The following ZNF382 variants were observed in gnomAD, a reference collection of about 807,000 sequenced individuals.
ZNF382 encodes zinc finger protein 382.
Under a neutral mutation model 38.8 loss-of-function variants are expected in ZNF382, and 20 were observed. That is an observed-to-expected ratio of 0.51 (90% confidence interval 0.36 to 0.75). ZNF382 has a LOEUF of 0.75. Among genes scored for constraint, ZNF382 ranks in the 30% least tolerant of loss-of-function variants. The pLI is 0.00. For missense variants in ZNF382, 546 were observed against 654.1 expected, an observed-to-expected ratio of 0.83 and a Z score of 1.80; for synonymous variants, 202 against 223.1, an observed-to-expected ratio of 0.91 and a Z score of 0.84.
At position 36,626,671 on chromosome 19, in the gene ZNF382, TC is replaced by T; in HGVS notation, c.776del (p.Pro259GlnfsTer89). The T allele has an allele frequency of 6.2e-7, 1 of 1,613,998 alleles. No homozygotes were observed. On this transcript the variant is annotated frameshift_variant, in exon 5 of 5. Coordinates refer to ENST00000292928, the MANE Select transcript of ZNF382 (RefSeq NM_032825.5). LOFTEE classifies it high-confidence loss of function. Reference protein sequence around the residue: ...FIEKSSLSVHPSNLMEKKPSA... With the variant: ...FIEKSSLSVHXSNLMEKKPSA... ...TAGAAAAGTCAAGCCTCAGTGTCCA[TC>T]CAAGTAATCTTATGGAAAAGAAGCC...
intron 4 of ZNF382, among the ~76,000 whole-genome samples, chr19:36,624,705 A>G (rs1401036587): frequency 1.3e-5 from 2 of 152,156 alleles, no homozygotes; most frequent in African/African-American, 4.8e-5. Flanking sequence ...GAATGAAGTT[A>G]GAATTGTTGG....
chr19:36,624,417 A>T (rs2037193867), intron 4 of ZNF382, among the ~76,000 whole-genome samples: 1 of 152,220 alleles, frequency 6.6e-6, no homozygotes, highest in African/African-American at 2.4e-5. Flanking sequence ...TGTTCCCAGT[A>T]TGGGGCTATT....
At chr19:36,621,653 G>T (rs2145329694) in intron 4 of ZNF382, among the ~76,000 whole-genome samples, 1 of 151,984 alleles carries the variant, frequency 6.6e-6, no homozygotes, top group Middle Eastern at 3.4e-3. Flanking sequence ...TATAACAACT[G>T]TTGGCATAGC....
Position 36,626,944 on chromosome 19 carries a change from G to C in ZNF382, c.1047G>C (p.Gly349=). The C allele has an allele frequency of 6.2e-7, 1 of 1,614,190 alleles. No individual in the cohort carries two copies. Among genetic ancestry groups the C allele is most frequent in the Non-Finnish European group, 8.5e-7 (1 of 1,180,022 alleles). ...LTLHEKTHIE[G]KPFICIDCGK... is the part of the protein sequence containing the mutation. The stretch of plus-strand genomic sequence containing the variant: ...TTCATGAGAAAACACATATAGAGGG[G>C]AAACCCTTTATTTGTATCGATTGTG... The change falls in exon 5 of 5, where the codon GGG becomes GGC. Residue 349 remains glycine, a synonymous_variant. Transcript: ENST00000292928.
Position 36,627,693 on chromosome 19 carries a change from C to T in ZNF382, c.*143C>T. Reference sequence around the variant, plus strand: ...TGCCAGCCTGTAAAACACACACACACACACACACACACACACAAATATTAT... The same window carrying T: ...TGCCAGCCTGTAAAACACACACACATACACACACACACACACAAATATTAT... On this transcript the variant is annotated 3_prime_UTR_variant, in exon 5 of 5. Transcript: ENST00000292928. 1.8e-6 allele frequency: 1 copy of T among 561,546 alleles called. No individual in the cohort carries two copies. Among genetic ancestry groups the T allele is most frequent in the East Asian group, 2.9e-5 (1 of 34,484 alleles). The allele number at this position is 561,546 out of a possible 1,614,324, so 34.8% of individuals were successfully genotyped here.
chr19:36,632,523 C>T lies in ZNF382; in HGVS notation c.*4973C>T, dbSNP rs1345245909. 1 of 152,200 alleles carries T rather than the reference C, an allele frequency of 6.6e-6. No individual in the cohort carries two copies. The highest frequency in any genetic ancestry group is 1.5e-5 in the Non-Finnish European group (1 of 68,048). The allele number at this position is 152,200 out of a possible 1,614,324, so 9.4% of individuals were successfully genotyped here. On this transcript the variant is annotated 3_prime_UTR_variant, in exon 5 of 5. Coordinates refer to ENST00000292928, the MANE Select transcript of ZNF382 (RefSeq NM_032825.5). ...ATGGGTATTTATGCTTCTCTGTTCA[C>T]TGGTTACATAGTCAAGCCAGGCTAT...
intron 4 of ZNF382, among the ~76,000 whole-genome samples, chr19:36,614,978 CCTT>C (rs2145320482): frequency 8.0e-6 from 1 of 125,600 alleles, no homozygotes; most frequent in Admixed American, 9.0e-5. Flanking sequence ...CCTTTCCTTT[CCTT>C]CTTTCTTTTT....
rs55911545 is a variant in ZNF382 at position 36,611,698 on chromosome 19, GT to G, written c.232+959del. On this transcript the variant is annotated intron_variant, in intron 4 of 4. Coordinates refer to ENST00000292928, the MANE Select transcript of ZNF382 (RefSeq NM_032825.5). Reference sequence around the variant, plus strand: ...TTGCTGAATAATGTGGTAATTCTGTGTTTATATTTAAGGAGTCACCATACTG... The same window carrying G: ...TTGCTGAATAATGTGGTAATTCTGTGTTATATTTAAGGAGTCACCATACTG... 9.2e-3 allele frequency among the ~76,000 whole-genome samples: 1,396 copies of G among 152,252 alleles called. 13 individuals are homozygous for G. Among genetic ancestry groups the G allele is most frequent in the Non-Finnish European group, 0.015 (1,020 of 68,006 alleles).
rs1478709227 is a variant in ZNF382 at position 36,627,729 on chromosome 19, A to G, written c.*179A>G. 6.0e-6 allele frequency: 3 copies of G among 502,584 alleles called. No homozygotes were observed. The highest frequency in any genetic ancestry group is 5.8e-5 in the African/African-American group (3 of 51,812). The allele number at this position is 502,584 out of a possible 1,614,324, so 31.1% of individuals were successfully genotyped here. A position where few individuals can be genotyped will look rare whatever the true frequency, so the allele number is the denominator to read the frequency against. ...ACACACAAATATTATTAGACAAATT[A>G]GATGACAAAAATCATTAAGAAGTCC... On this transcript the variant is annotated 3_prime_UTR_variant, in exon 5 of 5. Transcript: ENST00000292928.
intron 4 of ZNF382, among the ~76,000 whole-genome samples, chr19:36,614,926 T>TTCCC (rs1568628693): frequency 1.5e-4 from 10 of 66,348 alleles, no homozygotes; most frequent in Admixed American, 4.4e-4. Context: ...TCCCTTTCCC[T>TTCCC]TTCCCTTTCC....
In ZNF382 at chr19:36,626,586, A is replaced by G; in HGVS notation, c.689A>G (p.His230Arg). 2 of 1,614,154 alleles carry G rather than the reference A, an allele frequency of 1.2e-6. No individual in the cohort carries two copies. The highest frequency in any genetic ancestry group is 3.3e-4 in the Middle Eastern group (2 of 6,062). The change falls in exon 5 of 5, where the codon CAT becomes CGT. Residue 230 changes from histidine to arginine, a missense_variant. Physicochemically the swap from His to Arg is conservative, Grantham distance 29. Coordinates refer to ENST00000292928, the MANE Select transcript of ZNF382 (RefSeq NM_032825.5). ...CTGATGAAAGGAATGCTATTTACAC[A>G]TACTAGAGCTCACAGAGGAGAAAGA... ...SFLMKGMLFTHTRAHRGERTF... is the reference protein window; with the variant it reads ...SFLMKGMLFTRTRAHRGERTF...
intron 4 of ZNF382, among the ~76,000 whole-genome samples, chr19:36,617,840 C>T (rs189457156): frequency 3.4e-4 from 52 of 152,162 alleles, no homozygotes; most frequent in Non-Finnish European, 6.3e-4. Flanking sequence ...GTGGGGGATT[C>T]CAGCTAAACC....
intron 2 of ZNF382, chr19:36,608,758 G>A (rs1157314673): frequency 6.6e-6 from 1 of 152,234 alleles, no homozygotes; most frequent in Non-Finnish European, 1.5e-5. Context: ...CATTTCCAAA[G>A]CTTACCTCAT....
rs2037244830 is a variant in ZNF382, at chr19:36,630,226, C to G, written c.*2676C>G. ...AGAAAGGCAGGATAATGCGATCTAT[C>G]CTCAAAAGACCCCGTGCTGTCATTT... On this transcript the variant is annotated 3_prime_UTR_variant, in exon 5 of 5. Transcript: ENST00000292928. 6.6e-6 allele frequency: 1 copy of G among 152,062 alleles called. No homozygotes were observed. Among genetic ancestry groups the G allele is most frequent in the Non-Finnish European group, 1.5e-5 (1 of 68,028 alleles). The allele number at this position is 152,062 out of a possible 1,614,324, so 9.4% of individuals were successfully genotyped here.
intron 4 of ZNF382, among the ~76,000 whole-genome samples, chr19:36,614,914 C>CTTTCCTTCCCTTCCCTTTCCGTTTCCGT (rs752527955): frequency 1.1e-4 from 10 of 90,788 alleles, no homozygotes; most frequent in African/African-American, 4.7e-4. Context: ...CTTTCCTTTC[C>CTTTCCTTCCCTTCCCTTTCCGTTTCCGT]TTCCCTTTCC....
At chr19:36,624,317 A>C (rs1340269544) in intron 4 of ZNF382, among the ~76,000 whole-genome samples, 2 of 152,222 alleles carry the variant, frequency 1.3e-5, no homozygotes, top group African/African-American at 4.8e-5. Flanking sequence ...ATTGTGTATC[A>C]GCATTGTTTC....
intron 4 of ZNF382, among the ~76,000 whole-genome samples, chr19:36,614,600 C>T (rs2037106075): frequency 6.6e-6 from 1 of 152,086 alleles, no homozygotes; most frequent in Non-Finnish European, 1.5e-5. Flanking sequence ...TTAAGTTTCT[C>T]TCTAAGCTTT....
At chr19:36,615,280 C>T (rs974673073) in intron 4 of ZNF382, among the ~76,000 whole-genome samples, 3 of 152,078 alleles carry the variant, frequency 2.0e-5, no homozygotes, top group African/African-American at 7.2e-5. Flanking sequence ...CACTGCCCCC[C>T]GACTATTTTT....
rs112031686 is a variant in ZNF382 at position 36,633,185 on chromosome 19, C to T, written c.*5635C>T. Reference sequence around the variant, plus strand: ...TCCTGAGTAGCTGGGACTACAGGCACCTGCCACCATGCCCAGCTAATTTTT... The same window carrying T: ...TCCTGAGTAGCTGGGACTACAGGCATCTGCCACCATGCCCAGCTAATTTTT... On this transcript the variant is annotated 3_prime_UTR_variant, in exon 5 of 5. Coordinates refer to ENST00000292928, the MANE Select transcript of ZNF382 (RefSeq NM_032825.5). 6,146 of 152,198 alleles carry T rather than the reference C, an allele frequency of 0.04. 415 individuals are homozygous for T. The highest frequency in any genetic ancestry group is 0.14 in the African/African-American group (5,847 of 41,430). The allele number at this position is 152,198 out of a possible 1,614,324, so 9.4% of individuals were successfully genotyped here. A position where few individuals can be genotyped will look rare whatever the true frequency, so the allele number is the denominator to read the frequency against.
Sources: gnomAD v4.1 joint callset for allele counts (sites outside exome capture counted in the v4.1 genomes callset) on GRCh38, gnomAD v4.1.1 for gene constraint, MANE v1.5 for transcripts, NCBI Gene and HGNC (gene_info 2026-07-23, HGNC 2026-07-21) for gene names.